Variants in PCSK6 observed in about 807,000 individuals in gnomAD.
PCSK6 encodes paired basic amino acid cleaving enzyme 4.
A neutral mutation model predicts 123.3 loss-of-function variants in PCSK6; 85 were observed. That is an observed-to-expected ratio of 0.69 (90% CI 0.58 to 0.83). The LOEUF is 0.83. PCSK6 is among the 40% of genes least tolerant of loss of function. PCSK6 has a pLI of 0.00. For missense variants in PCSK6, 1,191 were observed against 1,282.3 expected, an observed-to-expected ratio of 0.93 and a Z score of 1.09; for synonymous variants, 508 against 516.0, an observed-to-expected ratio of 0.98 and a Z score of 0.21.
chr15:101,422,707 T>C (rs751240697), intron 6 of PCSK6, among the ~76,000 whole-genome samples: 21 of 152,064 alleles, frequency 1.4e-4, no homozygotes, highest in Non-Finnish European at 2.1e-4. Flanking sequence ...CTGCAAGCTC[T>C]GCCTCCCGGG....
chr15:101,357,587 C>T (rs2041080432), intron 13 of PCSK6, among the ~76,000 whole-genome samples: 1 of 152,248 alleles, frequency 6.6e-6, no homozygotes, highest in Admixed American at 6.5e-5. Context: ...TCATAGCGTG[C>T]AGGCAGGCTG....
intron 16 of PCSK6, 138 bp downstream of exon 16, chr15:101,326,239 A>G (rs991674654): frequency 4.7e-6 from 3 of 632,908 alleles, no homozygotes. Context: ...AAAAACTCCA[A>G]AGCAGTTAAC....
chr15:101,480,797 CAA>C (rs1468714512), intron 1 of PCSK6, among the ~76,000 whole-genome samples: 1 of 152,220 alleles, frequency 6.6e-6, no homozygotes, highest in Non-Finnish European at 1.5e-5. Context: ...TACAGCATCA[CAA>C]AGAGGGTGTC....
At chr15:101,315,860 G>A (rs565786598) in intron 19 of PCSK6, among the ~76,000 whole-genome samples, 41 of 152,394 alleles carry the variant, frequency 2.7e-4, no homozygotes, top group African/African-American at 8.9e-4. Flanking sequence ...CTCCATGCCA[G>A]GACACACGGG....
chr15:101,348,552 T>C (rs1015334411), intron 13 of PCSK6, among the ~76,000 whole-genome samples: 7 of 152,212 alleles, frequency 4.6e-5, no homozygotes, highest in African/African-American at 1.4e-4. Context: ...ACATGTGTAA[T>C]TGGCTTCAAG....
At chr15:101,327,604 A>C (rs955774019) in intron 15 of PCSK6, among the ~76,000 whole-genome samples, 22 of 152,196 alleles carry the variant, frequency 1.4e-4, no homozygotes, top group African/African-American at 4.8e-4. Context: ...GAGTGAGCTC[A>C]AGAGTAAAGA....
In PCSK6 at chr15:101,489,493, C is replaced by G; in HGVS notation, c.178G>C (p.Ala60Pro). The change falls in exon 1 of 22, where the codon GCC becomes CCC. Residue 60 changes from alanine to proline, a missense_variant. By Grantham distance (27) the Ala-to-Pro change is conservative. Around this residue, in one of 3 missense-constraint regions of PCSK6, gnomAD observed 204 missense variants for 166.4 expected, o/e 1.23. Coordinates refer to ENST00000611716, the MANE Select transcript of PCSK6 (RefSeq NM_002570.5). ...RWLLLLALPA[A>P]CSAPPPRPVY... ...GGGCGCGGCGGGGGCGCGGAGCAGGCGGCAGGCAGCGCCAGCAGCAGCAGC... is the reference window on the plus strand; with the variant it reads ...GGGCGCGGCGGGGGCGCGGAGCAGGGGGCAGGCAGCGCCAGCAGCAGCAGC... The G allele has an allele frequency of 1.9e-6, 2 of 1,063,404 alleles. No individual in the cohort carries two copies. Among genetic ancestry groups the G allele is most frequent in the Non-Finnish European group, 2.3e-6 (2 of 881,798 alleles). 65.9% of individuals were successfully genotyped at this position (1,063,404 alleles called of 1,614,324 possible).
intron 1 of PCSK6, among the ~76,000 whole-genome samples, chr15:101,472,541 G>C (rs1006009117): frequency 2.6e-5 from 4 of 152,208 alleles, no homozygotes; most frequent in African/African-American, 9.6e-5. Flanking sequence ...GCACAAACAG[G>C]TTCCCTCAAC....
At chr15:101,408,796 C>T (rs750045427) in intron 6 of PCSK6, among the ~76,000 whole-genome samples, 1 of 152,158 alleles carries the variant, frequency 6.6e-6, no homozygotes, top group Non-Finnish European at 1.5e-5. Flanking sequence ...GAAACACTAA[C>T]GAGACTGAAT....
chr15:101,418,558 G>C (rs1440084021), intron 6 of PCSK6, among the ~76,000 whole-genome samples: 1 of 150,352 alleles, frequency 6.7e-6, no homozygotes, highest in Non-Finnish European at 1.5e-5. Flanking sequence ...GTCTTACAGG[G>C]CTGCAGTGCA....
intron 4 of PCSK6, among the ~76,000 whole-genome samples, chr15:101,430,511 T>C (rs2056413586): frequency 2.0e-5 from 3 of 152,272 alleles, no homozygotes; most frequent in African/African-American, 7.2e-5. Context: ...CCAAGGTTTA[T>C]CCACGTTTCC....
Position 101,488,960 on chromosome 15 carries a change from G to A in PCSK6, c.297+414C>T, listed in dbSNP as rs547798998. On this transcript the variant is annotated intron_variant, in intron 1 of 21. Transcript: ENST00000611716. ...GCAGAGGGGCCGCTCCCCCGCGGGG[G>A]AGAGCCGGGTGGGCGCCCAGGACCC... 9.4e-3 allele frequency among the ~76,000 whole-genome samples: 1,411 copies of A among 149,664 alleles called. 19 individuals are homozygous for A. The highest frequency in any genetic ancestry group is 0.032 in the African/African-American group (1,298 of 41,000).
At position 101,403,411 on chromosome 15, in the gene PCSK6, TAAAGTA is replaced by T. The variant is rs1031478924; in HGVS notation, c.824-4841_824-4836del. 1.1e-4 allele frequency among the ~76,000 whole-genome samples: 15 copies of T among 132,524 alleles called. No individual in the cohort carries two copies. The Admixed American group carries it at 1.2e-3, about 10-fold the overall frequency. 86.9% of individuals were successfully genotyped at this position (132,524 alleles called of 152,430 possible). ...CATTGTGCACATGTACCCTAAAACT[TAAAGTA>T]TAATAATAATTAAAAAAAAAGAGAG... On this transcript the variant is annotated intron_variant, in intron 6 of 21. Transcript: ENST00000611716.
intron 11 of PCSK6, among the ~76,000 whole-genome samples, chr15:101,372,753 A>G (rs1383676628): frequency 6.6e-6 from 1 of 152,328 alleles, no homozygotes; most frequent in East Asian, 1.9e-4. Context: ...TGTAGCTCCC[A>G]GTCAACCCCA....
intron 2 of PCSK6, among the ~76,000 whole-genome samples, chr15:101,441,891 C>G (rs1041661795): frequency 6.6e-6 from 1 of 152,174 alleles, no homozygotes; most frequent in Admixed American, 6.5e-5. Context: ...AGGGATGCTG[C>G]GTCGACCTCT....
intron 1 of PCSK6, among the ~76,000 whole-genome samples, chr15:101,477,169 T>C (rs1424477255): frequency 1.3e-5 from 2 of 152,176 alleles, no homozygotes; most frequent in African/African-American, 4.8e-5. Context: ...ATAGAAGACT[T>C]ATTGACGTGG....
At chr15:101,308,214 G>C (rs2039770328) in intron 20 of PCSK6, 1 of 152,320 alleles carries the variant, frequency 6.6e-6, no homozygotes, top group Non-Finnish European at 1.5e-5. Flanking sequence ...CCAGAGCCCG[G>C]TGACTCGGTC....
intron 11 of PCSK6, among the ~76,000 whole-genome samples, chr15:101,381,877 G>A (rs2041918127): frequency 6.6e-6 from 1 of 152,248 alleles, no homozygotes; most frequent in African/African-American, 2.4e-5. Context: ...CTACAAAAGG[G>A]GAAGAGGCCT....
chr15:101,313,519 G>C lies in PCSK6; in HGVS notation c.2570-14C>G, dbSNP rs772488737. 1 of 1,586,432 alleles carries C rather than the reference G, an allele frequency of 6.3e-7. No individual in the cohort carries two copies. Among genetic ancestry groups the C allele is most frequent in the Non-Finnish European group, 8.5e-7 (1 of 1,169,742 alleles). On this transcript the variant is annotated splice_polypyrimidine_tract_variant and intron_variant, in intron 19 of 21. Transcript: ENST00000611716. The stretch of plus-strand genomic sequence containing the variant: ...CTCTGCCTGGCCCTGAGAGACACAG[G>C]AAAAGAAGCAGGTATCAGGGATGGC...
Sources: gnomAD v4.1 joint callset for allele counts (sites outside exome capture counted in the v4.1 genomes callset) on GRCh38, gnomAD v4.1.1 for gene constraint, gnomAD v4.1.1 regional missense constraint, MANE v1.5 for transcripts, NCBI Gene and HGNC (gene_info 2026-07-23, HGNC 2026-07-21) for gene names.